HHAT: variants seen among roughly 807,000 people sequenced by gnomAD.
The protein encoded by HHAT is hedgehog acyltransferase.
In HHAT, 47 loss-of-function variants were observed where a neutral mutation model predicts 70.8. The ratio of observed to expected loss-of-function variants is 0.66; its 90% CI spans 0.53 to 0.85. The LOEUF is 0.85. Among genes scored for constraint, HHAT ranks in the 40% least tolerant of loss-of-function variants. The probability of loss-of-function intolerance (pLI) is 0.00; values close to 1 mark genes in which losing one functional copy is unlikely to be tolerated. For synonymous variants in HHAT, 228 were observed against 247.6 expected (o/e 0.92, Z 0.74); for missense variants, 609 against 604.8 (o/e 1.01, Z -0.07).
intron 11 of HHAT, among the ~76,000 whole-genome samples, chr1:210,637,715 C>T (rs35667524): frequency 0.038 from 5,850 of 152,166 alleles, 182 homozygotes; most frequent in Middle Eastern, 0.068. Context: ...CAAAAATTAG[C>T]TGAGCATGGG....
chr1:210,437,889 C>A lies in HHAT; in HGVS notation c.856+19564C>A, dbSNP rs536896378. The stretch of plus-strand genomic sequence containing the variant: ...TTTAGATTCTTACAGACAAATTGGC[C>A]AATGGCATGTACCACTTGAAATTCC... On this transcript the variant is annotated intron_variant, in intron 7 of 11. Coordinates refer to ENST00000261458, the MANE Select transcript of HHAT (RefSeq NM_018194.6). 2.6e-5 allele frequency among the ~76,000 whole-genome samples: 4 copies of A among 152,008 alleles called. No individual in the cohort carries two copies. The East Asian group carries it at 7.7e-4, about 29-fold the overall frequency.
chr1:210,494,790 C>T (rs1164820402), intron 8 of HHAT, among the ~76,000 whole-genome samples: 2 of 151,964 alleles, frequency 1.3e-5, no homozygotes, highest in Non-Finnish European at 2.9e-5. Flanking sequence ...TGACCTCAGG[C>T]TATCCGCCTG....
intron 9 of HHAT, among the ~76,000 whole-genome samples, chr1:210,578,942 TGTG>T (rs1658544925): frequency 6.6e-6 from 1 of 152,100 alleles, no homozygotes; most frequent in African/African-American, 2.4e-5. Flanking sequence ...ATAAAGAAAA[TGTG>T]GTACATATCC....
chr1:210,332,825 G>A (rs974909464), intron 1 of HHAT, among the ~76,000 whole-genome samples: 34 of 152,126 alleles, frequency 2.2e-4, no homozygotes, highest in Admixed American at 8.5e-4. Context: ...TATGACTCCT[G>A]GTATTTTCTT....
intron 8 of HHAT, among the ~76,000 whole-genome samples, chr1:210,506,996 T>C (rs1375376603): frequency 2.6e-5 from 4 of 152,228 alleles, no homozygotes; most frequent in African/African-American, 9.6e-5. Flanking sequence ...GCAGAGGTTA[T>C]GTGCTGTGCA....
intron 11 of HHAT, among the ~76,000 whole-genome samples, chr1:210,636,806 T>C (rs1671949395): frequency 6.6e-6 from 1 of 152,104 alleles, no homozygotes; most frequent in Non-Finnish European, 1.5e-5. Flanking sequence ...CAAATATAAA[T>C]AGGAAGTGTT....
Position 210,427,895 on chromosome 1 carries a change from G to A in HHAT, c.856+9570G>A, listed in dbSNP as rs562800231. Among the ~76,000 whole-genome samples the A allele has an allele frequency of 3.9e-4, 59 of 152,130 alleles. 1 individual carries two copies. The highest frequency in any genetic ancestry group is 1.3e-3 in the African/African-American group (56 of 41,484). On this transcript the variant is annotated intron_variant, in intron 7 of 11. Transcript: ENST00000261458. Reference sequence around the variant, plus strand: ...ATCTGTCTAATATTGTCGGTGGTGTGTTAAAGTCTCCCCTTATTGTGGGGG... The same window carrying A: ...ATCTGTCTAATATTGTCGGTGGTGTATTAAAGTCTCCCCTTATTGTGGGGG...
intron 10 of HHAT, among the ~76,000 whole-genome samples, chr1:210,608,919 G>A (rs746120267): frequency 1.5e-4 from 23 of 152,108 alleles, no homozygotes; most frequent in Non-Finnish European, 7.3e-5. Context: ...ATGGCGGAAG[G>A]CGAAGGGGAT....
At chr1:210,643,043 CA>C (rs1191685108) in intron 11 of HHAT, among the ~76,000 whole-genome samples, 6 of 152,210 alleles carry the variant, frequency 3.9e-5, no homozygotes, top group African/African-American at 1.4e-4. Flanking sequence ...CGATAAGGAT[CA>C]ATTTTTTTTG....
At chr1:210,659,007 C>T (rs576597636) in intron 11 of HHAT, among the ~76,000 whole-genome samples, 1 of 152,218 alleles carries the variant, frequency 6.6e-6, no homozygotes, top group African/African-American at 2.4e-5. Flanking sequence ...AATCGACATC[C>T]TAACATCACA....
intron 3 of HHAT, chr1:210,374,257 G>A (rs372914866): frequency 1.3e-4 from 17 of 130,328 alleles, no homozygotes; most frequent in Middle Eastern, 3.8e-3. Context: ...GATCTGAAGA[G>A]AAACCAGTGT....
intron 10 of HHAT, among the ~76,000 whole-genome samples, chr1:210,620,425 T>G (rs1444430584): frequency 6.6e-6 from 1 of 152,182 alleles, no homozygotes; most frequent in Non-Finnish European, 1.5e-5. Flanking sequence ...CTGTCCCCTT[T>G]GCTGTTAGTT....
Position 210,375,313 on chromosome 1 carries a change from T to G in HHAT, c.160-12155T>G, listed in dbSNP as rs535529494. 3.3e-5 allele frequency among the ~76,000 whole-genome samples: 5 copies of G among 150,894 alleles called. No individual in the cohort carries two copies. The East Asian group carries it at 9.7e-4, about 29-fold the overall frequency. On this transcript the variant is annotated intron_variant, in intron 3 of 11. Transcript: ENST00000261458. ...TGTATGTGTATATACACACACACAT[T>G]TAGGATTCTTATATCTTATTGGTGA...
intron 9 of HHAT, among the ~76,000 whole-genome samples, chr1:210,525,003 G>A (rs889673733): frequency 2.0e-5 from 3 of 152,058 alleles, no homozygotes; most frequent in African/African-American, 7.2e-5. Context: ...TGGAGTTGGG[G>A]TCAGGGCTAG....
chr1:210,453,926 C>T (rs751146816), intron 7 of HHAT, among the ~76,000 whole-genome samples: 1 of 152,148 alleles, frequency 6.6e-6, no homozygotes, highest in African/African-American at 2.4e-5. Context: ...TTTAATTGGA[C>T]TTACAGTTTC....
At chr1:210,531,848 T>C (rs899893039) in intron 9 of HHAT, among the ~76,000 whole-genome samples, 1 of 152,178 alleles carries the variant, frequency 6.6e-6, no homozygotes, top group African/African-American at 2.4e-5. Flanking sequence ...ACCAAGTCTA[T>C]GTGAAAAGGC....
chr1:210,536,105 G>A (rs1255969766), intron 9 of HHAT, among the ~76,000 whole-genome samples: 4 of 152,206 alleles, frequency 2.6e-5, no homozygotes, highest in Non-Finnish European at 4.4e-5. Context: ...CCTTTTGAAA[G>A]TATTTTCTTT....
chr1:210,639,277 AC>A (rs1296462760), intron 11 of HHAT, among the ~76,000 whole-genome samples: 1 of 152,104 alleles, frequency 6.6e-6, no homozygotes, highest in African/African-American at 2.4e-5. Flanking sequence ...AAAACAAAAA[AC>A]AAAATACAAA....
intron 8 of HHAT, among the ~76,000 whole-genome samples, chr1:210,509,510 C>T (rs1440987038): frequency 1.3e-5 from 2 of 152,162 alleles, no homozygotes; most frequent in African/African-American, 2.4e-5. Context: ...TTACCCCTAA[C>T]TAACAATCAC....
Sources: gnomAD v4.1 joint callset for allele counts (sites outside exome capture counted in the v4.1 genomes callset) on GRCh38, gnomAD v4.1.1 for gene constraint, MANE v1.5 for transcripts, NCBI Gene and HGNC (gene_info 2026-07-23, HGNC 2026-07-21) for gene names.